The following FBXL7 variants were observed in gnomAD, a reference collection of about 807,000 sequenced individuals.
FBXL7 encodes the protein F-box and leucine rich repeat protein 7, also known as F-box/LRR-repeat protein 7.
In FBXL7, 12 loss-of-function variants were observed where a neutral mutation model predicts 38.3. The ratio of observed to expected loss-of-function variants is 0.31; its 90% CI spans 0.20 to 0.51. The LOEUF (loss-of-function observed/expected upper bound fraction) is 0.51, where lower values mean the gene tolerates loss of function less well. FBXL7 is among the 20% of genes least tolerant of loss of function. The pLI, the probability that FBXL7 is intolerant of heterozygous loss-of-function variation, is 0.98. For synonymous variants in FBXL7, 297 were observed against 300.9 expected, an observed-to-expected ratio of 0.99 and a Z score of 0.13; for missense variants, 567 against 676.4, an observed-to-expected ratio of 0.84 and a Z score of 1.79.
intron 1 of FBXL7, among the ~76,000 whole-genome samples, chr5:15,519,468 A>G (rs1276862368): frequency 6.7e-6 from 1 of 149,822 alleles, no homozygotes; most frequent in Admixed American, 6.6e-5. Flanking sequence ...AAACAAACAA[A>G]CAAAAAAAAC....
chr5:15,782,471 A>G (rs1235694245), intron 2 of FBXL7, among the ~76,000 whole-genome samples: 1 of 152,178 alleles, frequency 6.6e-6, no homozygotes, highest in African/African-American at 2.4e-5. Flanking sequence ...CTATTTCTCC[A>G]CATCCTCTCC....
intron 2 of FBXL7, among the ~76,000 whole-genome samples, chr5:15,828,428 C>G (rs536024723): frequency 6.6e-6 from 1 of 152,270 alleles, no homozygotes; most frequent in East Asian, 1.9e-4. Flanking sequence ...CACTGAGTGT[C>G]TTGTATTTAA....
intron 2 of FBXL7, among the ~76,000 whole-genome samples, chr5:15,774,972 G>A (rs1437781844): frequency 1.3e-5 from 2 of 152,190 alleles, no homozygotes; most frequent in Non-Finnish European, 2.9e-5. Flanking sequence ...TAGTGCCTGA[G>A]CATTAAATGG....
intron 2 of FBXL7, among the ~76,000 whole-genome samples, chr5:15,848,159 A>G (rs1738971743): frequency 6.6e-6 from 1 of 152,190 alleles, no homozygotes; most frequent in South Asian, 2.1e-4. Context: ...ATTGGACAAA[A>G]ATATCAAAGT....
At chr5:15,519,453 A>AC (rs1391753271) in intron 1 of FBXL7, among the ~76,000 whole-genome samples, 4 of 146,232 alleles carry the variant, frequency 2.7e-5, no homozygotes, top group South Asian at 2.1e-4. Flanking sequence ...ACAAAAAAAA[A>AC]AAACAAACAA....
chr5:15,672,745 G>T (rs368311483), intron 2 of FBXL7, among the ~76,000 whole-genome samples: 3 of 151,786 alleles, frequency 2.0e-5, no homozygotes, highest in East Asian at 3.9e-4. Context: ...GTAGAGATGG[G>T]GTTTCACCAT....
rs71603796 is a variant in FBXL7 at position 15,707,174 on chromosome 5, G to GTTTTTTTTTTTTTTTTTTTT, written c.127+91106_127+91125dup. ...AGGTAGTGTTTCTTTTTTTCTTTTCGTTTTTTTTTTTTTTTTTTTTTTTGC... is the reference window on the plus strand; with the variant it reads ...AGGTAGTGTTTCTTTTTTTCTTTTCGTTTTTTTTTTTTTTTTTTTTTTTTTTTTTTTTTTTTTTTTTTTGC... On this transcript the variant is annotated intron_variant, in intron 2 of 3. Transcript: ENST00000504595. Among the ~76,000 whole-genome samples the GTTTTTTTTTTTTTTTTTTTT allele has an allele frequency of 1.2e-3, 87 of 70,412 alleles. 3 individuals carry two copies. Among genetic ancestry groups the GTTTTTTTTTTTTTTTTTTTT allele is most frequent in the African/African-American group, 1.5e-3 (25 of 17,128 alleles). 46.2% of individuals were successfully genotyped at this position (70,412 alleles called of 152,430 possible).
chr5:15,852,223 T>C (rs1739119094), intron 2 of FBXL7, among the ~76,000 whole-genome samples: 1 of 152,204 alleles, frequency 6.6e-6, no homozygotes, highest in Non-Finnish European at 1.5e-5. Context: ...AATAAAGATT[T>C]TCATTTGTGA....
chr5:15,538,480 C>T (rs1737648887), intron 1 of FBXL7, among the ~76,000 whole-genome samples: 1 of 152,074 alleles, frequency 6.6e-6, no homozygotes, highest in Non-Finnish European at 1.5e-5. Flanking sequence ...CTTTTTGTGT[C>T]TTGTACACAA....
chr5:15,542,461 A>G (rs1036616700), intron 1 of FBXL7, among the ~76,000 whole-genome samples: 1 of 152,216 alleles, frequency 6.6e-6, no homozygotes, highest in African/African-American at 2.4e-5. Context: ...ATAAGCCTGC[A>G]ATAACAAATG....
chr5:15,686,526 T>C (rs1180238320), intron 2 of FBXL7, among the ~76,000 whole-genome samples: 2 of 152,210 alleles, frequency 1.3e-5, no homozygotes, highest in African/African-American at 4.8e-5. Flanking sequence ...TTATTCCCAC[T>C]CTACTTGTGT....
At chr5:15,583,436 A>G (rs769090172) in intron 1 of FBXL7, among the ~76,000 whole-genome samples, 4 of 152,220 alleles carry the variant, frequency 2.6e-5, no homozygotes, top group Non-Finnish European at 5.9e-5. Context: ...AGTGCCTTCT[A>G]CCTGTGAGCT....
At chr5:15,912,486 T>C (rs1741461359) in intron 2 of FBXL7, among the ~76,000 whole-genome samples, 1 of 151,474 alleles carries the variant, frequency 6.6e-6, no homozygotes, top group African/African-American at 2.4e-5. Context: ...ACCCGTCTTC[T>C]GCGTCGCTCA....
At chr5:15,754,725 A>G (rs1417930745) in intron 2 of FBXL7, among the ~76,000 whole-genome samples, 1 of 152,212 alleles carries the variant, frequency 6.6e-6, no homozygotes, top group African/African-American at 2.4e-5. Context: ...TGAAGTAACT[A>G]TACAAGCACA....
chr5:15,625,586 A>G (rs1486759881), intron 2 of FBXL7, among the ~76,000 whole-genome samples: 2 of 152,254 alleles, frequency 1.3e-5, no homozygotes, highest in South Asian at 2.1e-4. Flanking sequence ...CCTAGGAGGC[A>G]GAGGTTGCAG....
At chr5:15,935,082 G>A in intron 3 of FBXL7, 1 of 512,398 alleles carries the variant, frequency 2.0e-6, no homozygotes, top group South Asian at 1.4e-5. Flanking sequence ...GCCATTTCCA[G>A]TGCTCAGAGG....
intron 2 of FBXL7, among the ~76,000 whole-genome samples, chr5:15,779,781 C>T (rs1736946274): frequency 6.6e-6 from 1 of 152,148 alleles, no homozygotes; most frequent in South Asian, 2.1e-4. Flanking sequence ...TAGCTTTGGC[C>T]TAAAAGTCGT....
chr5:15,588,583 C>T (rs1438722577), intron 1 of FBXL7, among the ~76,000 whole-genome samples: 1 of 152,076 alleles, frequency 6.6e-6, no homozygotes, highest in East Asian at 1.9e-4. Context: ...GACAGGGTTT[C>T]AGCATGTTGG....
chr5:15,768,114 A>G (rs1736637246), intron 2 of FBXL7, among the ~76,000 whole-genome samples: 1 of 152,324 alleles, frequency 6.6e-6, no homozygotes, highest in South Asian at 2.1e-4. Flanking sequence ...TTGTTTTTAC[A>G]CTGATGTAGA....
Sources: allele counts gnomAD v4.1 joint callset (sites outside exome capture counted in the v4.1 genomes callset), GRCh38; gene constraint gnomAD v4.1.1; transcripts MANE v1.5; gene names NCBI Gene and HGNC (gene_info 2026-07-23, HGNC 2026-07-21).